The following GPC6 variants were observed in gnomAD, a reference collection of about 807,000 sequenced individuals.
GPC6 encodes the protein glypican-6.
In GPC6, 14 loss-of-function variants were observed where a neutral mutation model predicts 55.2. The observed-to-expected ratio is 0.25, with a 90% confidence interval of 0.17 to 0.40. GPC6 has a LOEUF of 0.40. GPC6 is among the 10% of genes least tolerant of loss of function. The pLI, the probability that GPC6 is intolerant of heterozygous loss-of-function variation, is 1.00. For synonymous variants in GPC6, 278 were observed against 259.6 expected, an observed-to-expected ratio of 1.07 and a Z score of -0.68; for missense variants, 641 against 708.5, an observed-to-expected ratio of 0.90 and a Z score of 1.08.
intron 4 of GPC6, among the ~76,000 whole-genome samples, chr13:94,147,374 T>C (rs2138889777): frequency 6.6e-6 from 1 of 152,272 alleles, no homozygotes; most frequent in East Asian, 1.9e-4. Context: ...CATTACAGGA[T>C]GTTAGGCTCT....
In GPC6 at chr13:94,103,738, A is replaced by AT. The variant is rs1241998159; in HGVS notation, c.877+75851dup. Among the ~76,000 whole-genome samples the AT allele has an allele frequency of 5.9e-5, 9 of 151,778 alleles. No homozygotes were observed. The East Asian group carries it at 9.7e-4, about 16-fold the overall frequency. On this transcript the variant is annotated intron_variant, in intron 4 of 8. Coordinates refer to ENST00000377047, the MANE Select transcript of GPC6 (RefSeq NM_005708.5). ...GCCCACTTTGTGATGGGGTTGTTTG[A>AT]TTTTTTTCTTGTAAATTTAAGTTCT... is the stretch of plus-strand genomic sequence containing the variant.
At chr13:93,836,740 A>G (rs1313778732) in intron 3 of GPC6, among the ~76,000 whole-genome samples, 1 of 152,170 alleles carries the variant, frequency 6.6e-6, no homozygotes, top group Non-Finnish European at 1.5e-5. Context: ...ATAATTTCAT[A>G]ATAAAAATAG....
At chr13:93,900,236 A>G (rs1434870703) in intron 3 of GPC6, among the ~76,000 whole-genome samples, 1 of 152,156 alleles carries the variant, frequency 6.6e-6, no homozygotes, top group African/African-American at 2.4e-5. Flanking sequence ...AAGAGAATGA[A>G]TGGCTTCATG....
intron 2 of GPC6, among the ~76,000 whole-genome samples, chr13:93,774,763 A>T (rs1246965521): frequency 6.6e-6 from 1 of 152,194 alleles, no homozygotes; most frequent in Non-Finnish European, 1.5e-5. Flanking sequence ...GATGAAAAAG[A>T]CAGGGAAAGT....
chr13:93,224,116 TCTCGATCTCCTGAC>T (rs1875694293), upstream of GPC6, among the ~76,000 whole-genome samples: 1 of 151,838 alleles, frequency 6.6e-6, no homozygotes, highest in Admixed American at 6.6e-5. Context: ...GCCAGGATAG[TCTCGATCTCCTGAC>T]CTCGTGATCT....
At chr13:93,738,624 C>T (rs1030568751) in intron 2 of GPC6, among the ~76,000 whole-genome samples, 1 of 152,036 alleles carries the variant, frequency 6.6e-6, no homozygotes, top group Non-Finnish European at 1.5e-5. Flanking sequence ...ACTTCCATCA[C>T]ACAATAATTC....
At chr13:93,879,760 C>G (rs1218199158) in intron 3 of GPC6, among the ~76,000 whole-genome samples, 1 of 152,030 alleles carries the variant, frequency 6.6e-6, no homozygotes, top group Admixed American at 6.6e-5. Flanking sequence ...AAGAAACTAC[C>G]ATCAGAGTGA....
chr13:93,796,275 A>G (rs573701044), intron 2 of GPC6, among the ~76,000 whole-genome samples: 3 of 152,210 alleles, frequency 2.0e-5, no homozygotes, highest in South Asian at 4.1e-4. Flanking sequence ...GGATTTTTTC[A>G]TTTAACAGAG....
In GPC6 at chr13:93,505,500, A is replaced by T. The variant is rs181806020; in HGVS notation, c.161-39763A>T. ...AAAGAGAGATTAACATTGCACTTAC[A>T]GCCAGTGGCACTCAACCAACACTCT... On this transcript the variant is annotated intron_variant, in intron 1 of 8. Transcript: ENST00000377047. 2.0e-5 allele frequency among the ~76,000 whole-genome samples: 3 copies of T among 152,256 alleles called. No homozygotes were observed. In the East Asian group the frequency reaches 5.8e-4, roughly 29 times the overall value.
intron 6 of GPC6, 56 bp downstream of exon 6, chr13:94,306,179 C>A (rs747461956): frequency 1.9e-6 from 3 of 1,584,800 alleles, no homozygotes; most frequent in African/African-American, 2.7e-5. Context: ...CAAGGTCATT[C>A]TTTGAAACTC....
chr13:93,626,727 G>A (rs757702613), intron 2 of GPC6, among the ~76,000 whole-genome samples: 18 of 152,006 alleles, frequency 1.2e-4, no homozygotes, highest in Non-Finnish European at 2.2e-4. Context: ...GCTGGAACCC[G>A]GGAGGCGGAG....
chr13:93,367,778 C>A (rs1487826776), intron 1 of GPC6, among the ~76,000 whole-genome samples: 1 of 149,658 alleles, frequency 6.7e-6, no homozygotes, highest in East Asian at 1.9e-4. Flanking sequence ...TAGTTTGAAT[C>A]CATTGTGGCT....
At chr13:93,627,775 C>T (rs189616813) in intron 2 of GPC6, among the ~76,000 whole-genome samples, 6 of 152,276 alleles carry the variant, frequency 3.9e-5, no homozygotes, top group African/African-American at 1.2e-4. Flanking sequence ...TGGTTTTTAT[C>T]GTGAAATCCC....
chr13:93,517,394 T>C (rs541492815), intron 1 of GPC6, among the ~76,000 whole-genome samples: 1 of 152,046 alleles, frequency 6.6e-6, no homozygotes, highest in Non-Finnish European at 1.5e-5. Flanking sequence ...CTTGGGAAAA[T>C]TATTCATTTT....
intron 1 of GPC6, among the ~76,000 whole-genome samples, chr13:93,475,427 TTG>T (rs1879267941): frequency 6.6e-6 from 1 of 152,194 alleles, no homozygotes. Flanking sequence ...TACGTTTCAT[TTG>T]TGTTTCAATA....
intron 6 of GPC6, among the ~76,000 whole-genome samples, chr13:94,342,552 T>G (rs199757062): frequency 1.3e-5 from 2 of 152,098 alleles, no homozygotes; most frequent in East Asian, 3.9e-4. Flanking sequence ...ACCAACCTGG[T>G]CAATACCTTC....
At chr13:93,880,841 A>C (rs537425619) in intron 3 of GPC6, among the ~76,000 whole-genome samples, 1 of 151,230 alleles carries the variant, frequency 6.6e-6, no homozygotes, top group South Asian at 2.1e-4. Context: ...TACCCAATTT[A>C]AAAAATAAAT....
intron 4 of GPC6, among the ~76,000 whole-genome samples, chr13:94,197,318 A>G (rs1889610400): frequency 6.6e-6 from 1 of 152,188 alleles, no homozygotes; most frequent in South Asian, 2.1e-4. Flanking sequence ...AAGCATCATC[A>G]AGTTCTCACC....
intron 4 of GPC6, among the ~76,000 whole-genome samples, chr13:94,213,553 C>G (rs1284034703): frequency 6.6e-6 from 1 of 152,090 alleles, no homozygotes. Flanking sequence ...CCCTCATGCC[C>G]CTGTGGGTAG....
Sources: gnomAD v4.1 joint callset for allele counts (sites outside exome capture counted in the v4.1 genomes callset) on GRCh38, gnomAD v4.1.1 for gene constraint, MANE v1.5 for transcripts, NCBI Gene and HGNC (gene_info 2026-07-23, HGNC 2026-07-21) for gene names.